NRXN3: variants seen among roughly 807,000 people sequenced by gnomAD.
The protein encoded by NRXN3 is neurexin III.
In NRXN3, 32 loss-of-function variants were observed where a neutral mutation model predicts 137.6. That is an observed-to-expected ratio of 0.23 (90% CI 0.18 to 0.31). NRXN3 has a LOEUF of 0.31. Among genes scored for constraint, NRXN3 ranks in the 10% least tolerant of loss-of-function variants. NRXN3 has a pLI of 1.00. For missense variants in NRXN3, 1,574 were observed against 2,062.5 expected (o/e 0.76, Z 4.59); for synonymous variants, 798 against 784.5 (o/e 1.02, Z -0.29).
intron 16 of NRXN3, among the ~76,000 whole-genome samples, chr14:79,542,071 T>C (rs2097278420): frequency 6.6e-6 from 1 of 152,194 alleles, no homozygotes; most frequent in Non-Finnish European, 1.5e-5. Flanking sequence ...CTGTTTGCTA[T>C]TTTGTGGGTG....
chr14:79,256,418 G>A (rs2076596192), intron 15 of NRXN3, among the ~76,000 whole-genome samples: 1 of 152,142 alleles, frequency 6.6e-6, no homozygotes, highest in South Asian at 2.1e-4. Context: ...CACATTGTTA[G>A]CAATTACACA....
intron 20 of NRXN3, among the ~76,000 whole-genome samples, chr14:79,819,931 C>T (rs533247335): frequency 6.6e-6 from 1 of 152,068 alleles, no homozygotes; most frequent in Non-Finnish European, 1.5e-5. Context: ...TCTTGCCCTT[C>T]GCTTTGCCAG....
At chr14:78,599,248 T>C (rs1293188905) in intron 4 of NRXN3, among the ~76,000 whole-genome samples, 1 of 152,256 alleles carries the variant, frequency 6.6e-6, no homozygotes, top group African/African-American at 2.4e-5. Context: ...GCACATTTCA[T>C]GGCATCGAAG....
At chr14:79,528,400 T>C (rs1227458341) in intron 16 of NRXN3, among the ~76,000 whole-genome samples, 6 of 152,222 alleles carry the variant, frequency 3.9e-5, no homozygotes, top group Non-Finnish European at 5.9e-5. Flanking sequence ...TATTTAATAC[T>C]ATTTTAGGTT....
At chr14:79,597,229 C>A (rs1014353657) in intron 16 of NRXN3, among the ~76,000 whole-genome samples, 2 of 152,052 alleles carry the variant, frequency 1.3e-5, no homozygotes, top group African/African-American at 4.8e-5. Flanking sequence ...CATTTTTTTT[C>A]CTAGCAGAAA....
chr14:78,475,386 G>T (rs913511151), intron 4 of NRXN3, among the ~76,000 whole-genome samples: 1 of 152,166 alleles, frequency 6.6e-6, no homozygotes, highest in African/African-American at 2.4e-5. Context: ...CAGGAATTCT[G>T]CCTGGTTGGG....
intron 20 of NRXN3, among the ~76,000 whole-genome samples, chr14:79,835,342 T>A (rs1997566): frequency 0.91 from 138,562 of 152,190 alleles, 63,117 homozygotes; most frequent in East Asian, 1. Context: ...CCTCTTCAGA[T>A]CCTGTCCTAT....
chr14:78,962,321 T>A (rs2099409645), intron 11 of NRXN3, among the ~76,000 whole-genome samples: 1 of 151,414 alleles, frequency 6.6e-6, no homozygotes, highest in African/African-American at 2.4e-5. Flanking sequence ...TCATAGTGAT[T>A]ATGCAGTATT....
At chr14:78,535,067 G>A (rs539673464) in intron 4 of NRXN3, among the ~76,000 whole-genome samples, 2 of 151,244 alleles carry the variant, frequency 1.3e-5, no homozygotes, top group East Asian at 1.9e-4. Flanking sequence ...TGTGTGTAAT[G>A]AGCAAATTAG....
At chr14:78,982,397 G>A (rs2099491600) in intron 14 of NRXN3, among the ~76,000 whole-genome samples, 1 of 152,106 alleles carries the variant, frequency 6.6e-6, no homozygotes, top group Non-Finnish European at 1.5e-5. Flanking sequence ...CGGTCCAGTA[G>A]GATTTGAAAG....
intron 2 of NRXN3, among the ~76,000 whole-genome samples, chr14:78,273,389 T>C (rs1470868563): frequency 6.6e-6 from 1 of 152,352 alleles, no homozygotes; most frequent in East Asian, 1.9e-4. Flanking sequence ...CCTCAGTCAA[T>C]GTCAGCTGGT....
intron 16 of NRXN3, among the ~76,000 whole-genome samples, chr14:79,518,678 A>G (rs944108671): frequency 6.6e-6 from 1 of 152,076 alleles, no homozygotes; most frequent in African/African-American, 2.4e-5. Flanking sequence ...CTCTCTTTCC[A>G]GTTTTATATC....
intron 1 of NRXN3, among the ~76,000 whole-genome samples, chr14:78,236,345 GT>G (rs1398176253): frequency 2.0e-5 from 3 of 152,152 alleles, no homozygotes; most frequent in Non-Finnish European, 4.4e-5. Context: ...AGCACATACA[GT>G]ATGTGTCTTA....
intron 16 of NRXN3, among the ~76,000 whole-genome samples, chr14:79,489,759 GC>G (rs1233468806): frequency 6.6e-6 from 1 of 152,006 alleles, no homozygotes; most frequent in Non-Finnish European, 1.5e-5. Context: ...GGTAATTTCG[GC>G]CGGGCGTGGT....
chr14:78,661,504 A>G (rs2097841656), intron 6 of NRXN3, among the ~76,000 whole-genome samples: 1 of 152,246 alleles, frequency 6.6e-6, no homozygotes, highest in Non-Finnish European at 1.5e-5. Context: ...GCTCTGTCTT[A>G]TATTAAGGAC....
intron 20 of NRXN3, among the ~76,000 whole-genome samples, chr14:79,855,372 G>A (rs767437944): frequency 2.6e-5 from 4 of 152,158 alleles, no homozygotes; most frequent in Non-Finnish European, 5.9e-5. Flanking sequence ...GTGGATAAGA[G>A]TGTTTCCAAG....
intron 4 of NRXN3, among the ~76,000 whole-genome samples, chr14:78,591,965 A>G (rs1268756881): frequency 6.6e-6 from 1 of 152,154 alleles, no homozygotes; most frequent in Non-Finnish European, 1.5e-5. Flanking sequence ...ACCCTAAAAC[A>G]ATGCGTAGGC....
intron 4 of NRXN3, among the ~76,000 whole-genome samples, chr14:78,423,249 G>A (rs760647385): frequency 1.3e-5 from 2 of 152,126 alleles, no homozygotes; most frequent in Non-Finnish European, 2.9e-5. Context: ...AGAAGACATA[G>A]GCTATTAGGG....
intron 4 of NRXN3, among the ~76,000 whole-genome samples, chr14:78,316,545 A>G (rs2078730007): frequency 6.6e-6 from 1 of 151,990 alleles, no homozygotes; most frequent in African/African-American, 2.4e-5. Context: ...CTGACAATTT[A>G]TTTTTGGAGG....
Sources: gnomAD v4.1 joint callset for allele counts (sites outside exome capture counted in the v4.1 genomes callset) on GRCh38, gnomAD v4.1.1 for gene constraint, MANE v1.5 for transcripts, NCBI Gene and HGNC (gene_info 2026-07-23, HGNC 2026-07-21) for gene names.